WASF1: variants seen among roughly 807,000 people sequenced by gnomAD.
WASF1 encodes actin-binding protein WASF1.
WASF1 carries 7 observed loss-of-function variants against 50.5 expected under a neutral mutation model. The ratio of observed to expected loss-of-function variants is 0.14; its 90% CI spans 0.08 to 0.26. The LOEUF is 0.26. WASF1 is among the 10% of genes least tolerant of loss of function. The pLI is 1.00. For missense variants in WASF1, 470 were observed against 694.7 expected, an observed-to-expected ratio of 0.68 and a Z score of 3.64; for synonymous variants, 205 against 244.0, an observed-to-expected ratio of 0.84 and a Z score of 1.49.
In WASF1 at chr6:110,109,713, G is replaced by A. The variant is rs533535544; in HGVS notation, c.269-1032C>T. ...ACTACAGGCACCTGCCACCATGGCC[G>A]ACTAATTTTTTTTTTTTTTTAAATT... On this transcript the variant is annotated intron_variant, in intron 5 of 10. Transcript: ENST00000392589. 4.5e-3 allele frequency among the ~76,000 whole-genome samples: 679 copies of A among 151,240 alleles called. 3 individuals carry two copies. Among genetic ancestry groups the A allele is most frequent in the African/African-American group, 0.015 (631 of 41,224 alleles).
At chr6:110,125,448 C>G (rs1045349221) in intron 4 of WASF1, among the ~76,000 whole-genome samples, 1 of 152,156 alleles carries the variant, frequency 6.6e-6, no homozygotes, top group Non-Finnish European at 1.5e-5. Flanking sequence ...TCCTTTTATC[C>G]TCTGAAGCAT....
At chr6:110,105,299 A>G in intron 8 of WASF1, 108 bp downstream of exon 8, 1 of 1,152,280 alleles carries the variant, frequency 8.7e-7, no homozygotes, top group Non-Finnish European at 1.2e-6. Flanking sequence ...CTATATTTAT[A>G]ACAGGGTCTG....
intron 5 of WASF1, among the ~76,000 whole-genome samples, chr6:110,108,949 A>G (rs1259663117): frequency 1.3e-5 from 2 of 152,186 alleles, no homozygotes; most frequent in Admixed American, 6.5e-5. Context: ...AAACATATCT[A>G]CATTTCAACC....
At chr6:110,133,806 TCTC>T (rs1774813950) in intron 3 of WASF1, among the ~76,000 whole-genome samples, 1 of 152,182 alleles carries the variant, frequency 6.6e-6, no homozygotes, top group Non-Finnish European at 1.5e-5. Context: ...GTGAAGATTT[TCTC>T]CTATTCTGTG....
At chr6:110,126,985 C>T (rs1042897828) in intron 4 of WASF1, among the ~76,000 whole-genome samples, 2 of 152,122 alleles carry the variant, frequency 1.3e-5, no homozygotes, top group African/African-American at 4.8e-5. Context: ...TCTTAGACAT[C>T]CCACTTGACT....
Position 110,102,103 on chromosome 6 carries a change from G to A in WASF1, c.1007C>T (p.Ser336Leu), listed in dbSNP as rs1210245160. 4 of 1,499,314 alleles carry A rather than the reference G, an allele frequency of 2.7e-6. No individual in the cohort carries two copies. Among genetic ancestry groups the A allele is most frequent in the Non-Finnish European group, 3.6e-6 (4 of 1,124,700 alleles). 92.9% of individuals were successfully genotyped at this position (1,499,314 alleles called of 1,614,324 possible). A position where few individuals can be genotyped will look rare whatever the true frequency, so the allele number is the denominator to read the frequency against. The change falls in exon 10 of 11, where the codon TCA becomes TTA. Residue 336 changes from serine to leucine, a missense_variant. Coordinates refer to ENST00000392589, the MANE Select transcript of WASF1 (RefSeq NM_003931.3). ...PPPPPLPSAL[S>L]TSSLRASMTS... ...CATTGAAGCTCTTAATGAGGAAGTT[G>A]ACAAGGCAGATGGAAGAGGTGGTGG... is the stretch of plus-strand genomic sequence containing the variant.
chr6:110,152,751 G>C (rs968377701), intron 3 of WASF1, among the ~76,000 whole-genome samples: 1 of 152,174 alleles, frequency 6.6e-6, no homozygotes. Context: ...GTTTTAGCCT[G>C]CTAAATGTGT....
intron 10 of WASF1, among the ~76,000 whole-genome samples, 176 bp from the exon 11 acceptor site, chr6:110,100,855 T>C (rs536702849): frequency 2.1e-4 from 32 of 152,274 alleles, no homozygotes; most frequent in African/African-American, 7.2e-4. Flanking sequence ...ATGTTATCTG[T>C]GTTATTAGTT....
At position 110,127,460 on chromosome 6, in the gene WASF1, T is replaced by A; in HGVS notation, c.133+9A>T. On this transcript the variant is annotated intron_variant, in intron 4 of 10. Transcript: ENST00000392589. ...TTTGTGAGTATATTTTTAATTGATA[T>A]ATACTTACTTAGGCTACTTAGTTGT... The A allele has an allele frequency of 6.3e-7, 1 of 1,581,826 alleles. No homozygotes were observed. The highest frequency in any genetic ancestry group is 1.2e-5 in the South Asian group (1 of 83,676).
At chr6:110,124,274 CTATATATATATA>C (rs35703116) in intron 4 of WASF1, among the ~76,000 whole-genome samples, 40 of 20,502 alleles carry the variant, frequency 2.0e-3, no homozygotes, top group African/African-American at 4.3e-3. Context: ...CTCTCTCTCT[CTATATATATATA>C]TATATATATA....
intron 6 of WASF1, among the ~76,000 whole-genome samples, chr6:110,107,594 A>G (rs150842059): frequency 8.9e-4 from 136 of 152,318 alleles, no homozygotes; most frequent in African/African-American, 3.1e-3. Flanking sequence ...ACTATGATTT[A>G]TTTATTATCT....
chr6:110,115,535 T>C (rs1467753775), intron 4 of WASF1, among the ~76,000 whole-genome samples: 1 of 152,230 alleles, frequency 6.6e-6, no homozygotes, highest in South Asian at 2.1e-4. Context: ...GTACAACATC[T>C]CTGGCCACTC....
intron 3 of WASF1, among the ~76,000 whole-genome samples, chr6:110,158,623 C>A (rs912862320): frequency 9.2e-5 from 14 of 151,832 alleles, no homozygotes; most frequent in African/African-American, 2.9e-4. Flanking sequence ...GAATGAGGAA[C>A]CCTCACATGA....
chr6:110,119,993 C>G (rs1774017283), intron 4 of WASF1, among the ~76,000 whole-genome samples: 1 of 152,110 alleles, frequency 6.6e-6, no homozygotes, highest in South Asian at 2.1e-4. Context: ...TTCAACACCC[C>G]GTCATGCTAA....
intron 3 of WASF1, among the ~76,000 whole-genome samples, chr6:110,149,926 C>A (rs1775750914): frequency 1.3e-5 from 2 of 152,074 alleles, no homozygotes; most frequent in Admixed American, 1.3e-4. Flanking sequence ...GTCTCCCTAA[C>A]TTGCCTGCCC....
At chr6:110,101,481 C>T (rs1017078626) in intron 10 of WASF1, 107 bp downstream of exon 10, 3 of 1,436,292 alleles carry the variant, frequency 2.1e-6, no homozygotes, top group African/African-American at 2.9e-5. Context: ...TGTACACAAA[C>T]ATGATCACCT....
Position 110,154,957 on chromosome 6 carries a change from T to C in WASF1, c.-29+5678A>G, listed in dbSNP as rs765332385. Among the ~76,000 whole-genome samples, 96 of 152,088 alleles carry C rather than the reference T, an allele frequency of 6.3e-4. 1 individual carries two copies. The highest frequency in any genetic ancestry group is 8.2e-4 in the Non-Finnish European group (56 of 67,944). On this transcript the variant is annotated intron_variant, in intron 3 of 10. Coordinates refer to ENST00000392589, the MANE Select transcript of WASF1 (RefSeq NM_003931.3). Reference sequence around the variant, plus strand: ...AAGAACATCCTAATGCCAAATAAGATATAAAAGGACATAATATGCTAAAAA... The same window carrying C: ...AAGAACATCCTAATGCCAAATAAGACATAAAAGGACATAATATGCTAAAAA...
chr6:110,103,588 T>C (rs752267832), intron 8 of WASF1, 31 bp from the exon 9 acceptor site: 2 of 1,546,248 alleles, frequency 1.3e-6, no homozygotes, highest in Non-Finnish European at 1.8e-6. Flanking sequence ...CAGTGAATTA[T>C]TCTTGAATTA....
chr6:110,164,774 C>T (rs1193353391), intron 2 of WASF1, among the ~76,000 whole-genome samples: 1 of 151,568 alleles, frequency 6.6e-6, no homozygotes, highest in Non-Finnish European at 1.5e-5. Flanking sequence ...TTATTCATAA[C>T]TGCTGAAACT....
Sources: allele counts gnomAD v4.1 joint callset (sites outside exome capture counted in the v4.1 genomes callset), GRCh38; gene constraint gnomAD v4.1.1; transcripts MANE v1.5; gene names NCBI Gene and HGNC (gene_info 2026-07-23, HGNC 2026-07-21).